RFX1: variants seen among roughly 807,000 people sequenced by gnomAD.
RFX1 encodes regulatory factor X1, also known as MHC class II regulatory factor RFX1.
A neutral mutation model predicts 119.6 loss-of-function variants in RFX1; 42 were observed. That is an observed-to-expected ratio of 0.35 (90% CI 0.27 to 0.45). RFX1 has a LOEUF of 0.45. RFX1 is among the 20% of genes least tolerant of loss of function. The probability of loss-of-function intolerance (pLI) is 1.00; values close to 1 mark genes in which losing one functional copy is unlikely to be tolerated. For synonymous variants in RFX1, 628 were observed against 618.5 expected, an observed-to-expected ratio of 1.02 and a Z score of -0.23; for missense variants, 1,118 against 1,368.1, an observed-to-expected ratio of 0.82 and a Z score of 2.88.
chr19:14,000,280 G>A (rs909394403), intron 1 of RFX1, among the ~76,000 whole-genome samples: 5 of 152,098 alleles, frequency 3.3e-5, no homozygotes, highest in Admixed American at 2.6e-4. Flanking sequence ...GAGGTCAGGA[G>A]TTTGAAGCCA....
At chr19:14,004,354 G>T (rs542227398) in intron 1 of RFX1, among the ~76,000 whole-genome samples, 1 of 152,206 alleles carries the variant, frequency 6.6e-6, no homozygotes, top group African/African-American at 2.4e-5. Flanking sequence ...CTAAAAATAC[G>T]AAAATCAGCC....
chr19:13,970,935 A>G (rs923365271), intron 9 of RFX1, among the ~76,000 whole-genome samples: 2 of 151,978 alleles, frequency 1.3e-5, no homozygotes, highest in Admixed American at 1.3e-4. Flanking sequence ...AGGGAGGCAG[A>G]GGCTGCAGTG....
At chr19:13,991,985 CTT>C (rs1476173396) in intron 2 of RFX1, among the ~76,000 whole-genome samples, 1 of 152,058 alleles carries the variant, frequency 6.6e-6, no homozygotes, top group African/African-American at 2.4e-5. Context: ...TTTGATGACT[CTT>C]TATGACCTGA....
chr19:13,994,912 AT>A (rs1217353022), intron 1 of RFX1, among the ~76,000 whole-genome samples: 10 of 88,154 alleles, frequency 1.1e-4, no homozygotes, highest in Non-Finnish European at 1.7e-4. Context: ...ATATATATAT[AT>A]ATATATATAT....
rs979270074 is a variant in RFX1 at position 13,968,345 on chromosome 19, A to G, written c.1732+220T>C. Among the ~76,000 whole-genome samples, 1 of 152,156 alleles carries G rather than the reference A, an allele frequency of 6.6e-6. No homozygotes were observed. The highest frequency in any genetic ancestry group is 2.4e-5 in the African/African-American group (1 of 41,460). On this transcript the variant is annotated intron_variant, in intron 12 of 20. Coordinates refer to ENST00000254325, the MANE Select transcript of RFX1 (RefSeq NM_002918.5). This position sits in a 1 kb window ranked among gnomAD's most constrained non-coding sequence, Gnocchi z 5.5. ...TCAGAACCCCCGAGAAATGCTTTGC[A>G]TTGAAAGAAATGAGAATCTACCTTG... is the stretch of plus-strand genomic sequence containing the variant.
At chr19:13,993,416 C>T (rs1020407606) in intron 2 of RFX1, 109 bp downstream of exon 2, 41 of 1,090,240 alleles carry the variant, frequency 3.8e-5, no homozygotes, top group Non-Finnish European at 5.0e-5. Context: ...CCCCAAGTCC[C>T]ATCCAGAAAC....
At chr19:14,000,135 T>A (rs1358845593) in intron 1 of RFX1, among the ~76,000 whole-genome samples, 1 of 152,184 alleles carries the variant, frequency 6.6e-6, no homozygotes, top group African/African-American at 2.4e-5. Flanking sequence ...ATGATGTGTG[T>A]TTCTCTCATC....
intron 1 of RFX1, among the ~76,000 whole-genome samples, 182 bp downstream of exon 1, chr19:14,005,921 G>T (rs1408052505): frequency 2.0e-5 from 3 of 150,696 alleles, no homozygotes; most frequent in Non-Finnish European, 4.4e-5. Context: ...GGGCCGCGGG[G>T]ACGGGGGCGG....
intron 17 of RFX1, 25 bp downstream of exon 17, chr19:13,963,833 C>T (rs1212766094): frequency 6.7e-7 from 1 of 1,492,306 alleles, no homozygotes; most frequent in East Asian, 2.6e-5. Context: ...CCTCATTCGC[C>T]CGCCCCGCCC....
At position 14,006,134 on chromosome 19, in the gene RFX1, C is replaced by T. The variant is rs984080773; in HGVS notation, c.-84G>A. On this transcript the variant is annotated 5_prime_UTR_variant, in exon 1 of 21. Coordinates refer to ENST00000254325, the MANE Select transcript of RFX1 (RefSeq NM_002918.5). ...TTCTCCCCACTTCTGTCTGCGGAAA[C>T]GCTTTTCGGAGGTCTCGGAGTCGAT... The T allele has an allele frequency of 6.6e-6, 1 of 152,230 alleles. No individual in the cohort carries two copies. The highest frequency in any genetic ancestry group is 2.4e-5 in the African/African-American group (1 of 41,440). 9.4% of individuals were successfully genotyped at this position (152,230 alleles called of 1,614,324 possible).
At chr19:13,993,360 G>A (rs1229955558) in intron 2 of RFX1, among the ~76,000 whole-genome samples, 165 bp downstream of exon 2, 1 of 152,148 alleles carries the variant, frequency 6.6e-6, no homozygotes, top group Non-Finnish European at 1.5e-5. Flanking sequence ...AGTTTGGGGG[G>A]ACAGAGGCCT....
At chr19:13,983,442 C>T (rs1406560166) in intron 3 of RFX1, 44 bp downstream of exon 3, 1 of 1,469,048 alleles carries the variant, frequency 6.8e-7, no homozygotes, top group African/African-American at 1.4e-5. Flanking sequence ...TGCACTGCCC[C>T]CCTCCCGGGC....
intron 16 of RFX1, 63 bp from the exon 17 acceptor site, chr19:13,964,070 C>T (rs1034722653): frequency 1.4e-6 from 2 of 1,470,802 alleles, no homozygotes; most frequent in South Asian, 1.3e-5. Context: ...GCCCTGGCCC[C>T]ACCCCGCTGC....
chr19:13,973,111 A>T lies in RFX1; in HGVS notation c.946T>A (p.Ser316Thr). The change falls in exon 9 of 21, where the codon TCC becomes ACC. Residue 316 changes from serine (S) to threonine (T), a missense_variant. Ser to Thr is a moderately conservative substitution (Grantham distance 58). This residue lies in a region of RFX1 where 542 missense variants were observed against 602.7 expected (regional missense o/e 0.90). Coordinates refer to ENST00000254325, the MANE Select transcript of RFX1 (RefSeq NM_002918.5). ...TASAIRSSTY[S>T]YPETPLYTQT... Reference sequence around the variant, plus strand: ...GTGTACAGCGGCGTCTCGGGATAGGAGTAGGTGCTGGAACGGCTGGGAAAG... The same window carrying T: ...GTGTACAGCGGCGTCTCGGGATAGGTGTAGGTGCTGGAACGGCTGGGAAAG... 6.3e-7 allele frequency: 1 copy of T among 1,588,976 alleles called. No homozygotes were observed. The highest frequency in any genetic ancestry group is 8.5e-7 in the Non-Finnish European group (1 of 1,175,638).
At chr19:13,998,554 T>C (rs1482564171) in intron 1 of RFX1, among the ~76,000 whole-genome samples, 2 of 151,354 alleles carry the variant, frequency 1.3e-5, no homozygotes. Context: ...AAGTGGCAGG[T>C]GTTATTATTC....
At chr19:14,002,093 G>A (rs1975236027) in intron 1 of RFX1, among the ~76,000 whole-genome samples, 2 of 151,678 alleles carry the variant, frequency 1.3e-5, no homozygotes, top group Admixed American at 6.6e-5. Context: ...CCAAGATTGC[G>A]CCATTGCATT....
intron 2 of RFX1, among the ~76,000 whole-genome samples, chr19:13,992,500 A>T (rs764380587): frequency 3.3e-5 from 5 of 152,198 alleles, no homozygotes; most frequent in Non-Finnish European, 7.3e-5. Context: ...CATGAGAAAG[A>T]AAAGCAAAAA....
intron 2 of RFX1, among the ~76,000 whole-genome samples, chr19:13,991,955 C>T (rs975438185): frequency 6.6e-6 from 1 of 152,192 alleles, no homozygotes; most frequent in Non-Finnish European, 1.5e-5. Flanking sequence ...AGCCACCACA[C>T]CCGGCCAATT....
Position 13,968,825 on chromosome 19 carries a change from C to G in RFX1, c.1566G>C (p.Glu522Asp), listed in dbSNP as rs776268537. 1 of 1,560,802 alleles carries G rather than the reference C, an allele frequency of 6.4e-7. No individual in the cohort carries two copies. Among genetic ancestry groups the G allele is most frequent in the Non-Finnish European group, 8.7e-7 (1 of 1,152,476 alleles). ...CCCGCATGGCCATGTGCTGCTGGTC[C>G]TCCATCAGCCGCAGCAGGGGTGAGC... The part of the protein sequence containing the change: ...KASSPLLRLM[E>D]DQQHMAMRGQ... Residue 522 changes from glutamate to aspartate, a missense_variant, in exon 11 of 21, where the codon GAG (glutamate) becomes GAC (aspartate). Transcript: ENST00000254325. This position sits in a 1 kb window ranked among gnomAD's most constrained non-coding sequence, Gnocchi z 5.5.
Sources: gnomAD v4.1 joint callset for allele counts (sites outside exome capture counted in the v4.1 genomes callset) on GRCh38, gnomAD v4.1.1 for gene constraint, gnomAD v4.1.1 regional missense constraint, Gnocchi (gnomAD v3.1) non-coding constraint, MANE v1.5 for transcripts, NCBI Gene and HGNC (gene_info 2026-07-23, HGNC 2026-07-21) for gene names.